MARCHF1: variants seen among roughly 807,000 people sequenced by gnomAD.
MARCHF1 encodes E3 ubiquitin-protein ligase MARCHF1.
In MARCHF1, 40 loss-of-function variants were observed where a neutral mutation model predicts 54.2. The observed-to-expected ratio is 0.74, with a 90% confidence interval of 0.57 to 0.96. MARCHF1 has a LOEUF of 0.96. Ranked by LOEUF, MARCHF1 falls within the 40% of genes least tolerant of loss-of-function variation. The probability of loss-of-function intolerance (pLI) is 0.00; values close to 1 mark genes in which losing one functional copy is unlikely to be tolerated. For synonymous variants in MARCHF1, 236 were observed against 236.3 expected (o/e 1.00, Z 0.01); for missense variants, 586 against 656.5 (o/e 0.89, Z 1.17).
chr4:163,693,335 G>T lies in MARCHF1; in HGVS notation c.162+7478C>A, dbSNP rs558999518. Among the ~76,000 whole-genome samples, 157 of 151,462 alleles carry T rather than the reference G, an allele frequency of 1.0e-3. 5 individuals carry two copies. The highest frequency in any genetic ancestry group is 3.8e-3 in the African/African-American group (157 of 41,162). ...TTACTTTACTATCAAGAAGGACCCA[G>T]GCTGTTTGGTAGAACTCTTTGAATT... On this transcript the variant is annotated intron_variant, in intron 5 of 9. Coordinates refer to ENST00000514618, the MANE Select transcript of MARCHF1 (RefSeq NM_001394959.1).
intron 2 of MARCHF1, among the ~76,000 whole-genome samples, chr4:164,020,036 C>T (rs1347662406): frequency 2.0e-5 from 3 of 152,314 alleles, no homozygotes; most frequent in East Asian, 3.9e-4. Context: ...TCCTTTATTT[C>T]AGAGAAGCAA....
At chr4:164,228,847 G>A (rs1732330654) in intron 1 of MARCHF1, among the ~76,000 whole-genome samples, 1 of 152,120 alleles carries the variant, frequency 6.6e-6, no homozygotes, top group Non-Finnish European at 1.5e-5. Context: ...AATAGAGGGA[G>A]GAGAGGAAGA....
intron 2 of MARCHF1, among the ~76,000 whole-genome samples, chr4:164,032,816 T>C (rs1183716705): frequency 6.6e-6 from 1 of 151,986 alleles, no homozygotes; most frequent in Non-Finnish European, 1.5e-5. Context: ...TTAAAATTCA[T>C]ATGGGACCGA....
At chr4:164,206,897 C>A (rs1317943054) in intron 1 of MARCHF1, among the ~76,000 whole-genome samples, 8 of 151,550 alleles carry the variant, frequency 5.3e-5, no homozygotes, top group Admixed American at 4.6e-4. Context: ...TAGAGAAAAA[C>A]CAAGTTTTAA....
At chr4:164,259,386 T>A (rs1378214852) in intron 1 of MARCHF1, among the ~76,000 whole-genome samples, 1 of 150,740 alleles carries the variant, frequency 6.6e-6, no homozygotes, top group Non-Finnish European at 1.5e-5. Flanking sequence ...GTACTAAAAA[T>A]ACAAAAATTA....
chr4:163,604,257 C>T (rs1041338049), intron 7 of MARCHF1, among the ~76,000 whole-genome samples: 1 of 152,110 alleles, frequency 6.6e-6, no homozygotes, highest in Admixed American at 6.6e-5. Flanking sequence ...ATTTGTCTTG[C>T]ACCTCAAACT....
intron 1 of MARCHF1, among the ~76,000 whole-genome samples, chr4:164,377,321 T>C (rs1490102050): frequency 6.6e-6 from 1 of 152,222 alleles, no homozygotes; most frequent in Non-Finnish European, 1.5e-5. Context: ...GGTCTAGAAA[T>C]ACGTTCTGAG....
chr4:163,594,503 C>T (rs1351229885), intron 7 of MARCHF1, among the ~76,000 whole-genome samples: 1 of 151,972 alleles, frequency 6.6e-6, no homozygotes, highest in Non-Finnish European at 1.5e-5. Context: ...TACACACACA[C>T]ACACAAACAC....
At chr4:163,606,560 G>C (rs939862730) in intron 7 of MARCHF1, among the ~76,000 whole-genome samples, 1 of 151,956 alleles carries the variant, frequency 6.6e-6, no homozygotes, top group African/African-American at 2.4e-5. Context: ...TATAAAGGAG[G>C]ATAAAAATGA....
At chr4:164,211,130 G>C (rs1731757624) in intron 1 of MARCHF1, among the ~76,000 whole-genome samples, 1 of 151,880 alleles carries the variant, frequency 6.6e-6, no homozygotes, top group African/African-American at 2.4e-5. Flanking sequence ...GAAAGTTTTA[G>C]TGATTTATCA....
chr4:164,207,210 A>G (rs1411763962), intron 1 of MARCHF1, among the ~76,000 whole-genome samples: 2 of 152,212 alleles, frequency 1.3e-5, no homozygotes, highest in African/African-American at 4.8e-5. Flanking sequence ...CAATGCATAA[A>G]AACATTATTT....
chr4:163,639,790 G>A (rs1407422461), intron 5 of MARCHF1, among the ~76,000 whole-genome samples: 1 of 151,634 alleles, frequency 6.6e-6, no homozygotes, highest in East Asian at 1.9e-4. Context: ...ATCTAATAAG[G>A]AGGAGGAGTA....
rs147612143 is a variant in MARCHF1, at chr4:163,821,692, T to G, written c.111+32329A>C. Among the ~76,000 whole-genome samples, 455 of 152,106 alleles carry G rather than the reference T, an allele frequency of 3.0e-3. 1 individual carries two copies. Among genetic ancestry groups the G allele is most frequent in the African/African-American group, 8.3e-3 (344 of 41,546 alleles). ...TTTAGAAATGATTAATTCCACAAAT[T>G]AATGAAAAGCTGTGTTTTGTAGAAT... is the stretch of plus-strand genomic sequence containing the variant. On this transcript the variant is annotated intron_variant, in intron 4 of 9. Coordinates refer to ENST00000514618, the MANE Select transcript of MARCHF1 (RefSeq NM_001394959.1).
At chr4:163,745,477 C>T (rs1423052083) in intron 4 of MARCHF1, among the ~76,000 whole-genome samples, 1 of 152,100 alleles carries the variant, frequency 6.6e-6, no homozygotes, top group East Asian at 1.9e-4. Context: ...TACAAATACA[C>T]AAGGGAAGAG....
intron 4 of MARCHF1, among the ~76,000 whole-genome samples, chr4:163,741,470 C>T (rs1002565822): frequency 6.6e-6 from 1 of 151,912 alleles, no homozygotes; most frequent in Admixed American, 6.6e-5. Flanking sequence ...GTAATCCCAG[C>T]TACTCAGGAA....
intron 4 of MARCHF1, among the ~76,000 whole-genome samples, chr4:163,725,022 C>G (rs937386246): frequency 6.6e-6 from 1 of 152,102 alleles, no homozygotes; most frequent in East Asian, 1.9e-4. Flanking sequence ...GTCCTGCCCC[C>G]ACTGTCCAAC....
intron 7 of MARCHF1, among the ~76,000 whole-genome samples, chr4:163,604,891 C>A (rs559765000): frequency 6.6e-6 from 1 of 152,174 alleles, no homozygotes; most frequent in Admixed American, 6.5e-5. Context: ...GTTATTACTT[C>A]CTCAGGGAAA....
intron 5 of MARCHF1, among the ~76,000 whole-genome samples, chr4:163,651,552 T>A (rs1374412139): frequency 6.8e-6 from 1 of 146,204 alleles, no homozygotes; most frequent in Non-Finnish European, 1.5e-5. Context: ...TTTACTGCAA[T>A]AGACTTTCTT....
chr4:164,271,695 G>GAAA (rs1209761057), intron 1 of MARCHF1, among the ~76,000 whole-genome samples: 1 of 152,020 alleles, frequency 6.6e-6, no homozygotes, highest in Non-Finnish European at 1.5e-5. Context: ...TCAGTTCGAG[G>GAAA]TGAATTCCAG....
Sources: gnomAD v4.1 joint callset for allele counts (sites outside exome capture counted in the v4.1 genomes callset) on GRCh38, gnomAD v4.1.1 for gene constraint, MANE v1.5 for transcripts, NCBI Gene and HGNC (gene_info 2026-07-23, HGNC 2026-07-21) for gene names.